Variants in ABCA12 observed in about 807,000 individuals in gnomAD.
ABCA12 encodes the protein glucosylceramide transporter ABCA12.
In ABCA12, 156 loss-of-function variants were observed where a neutral mutation model predicts 293.5. That is an observed-to-expected ratio of 0.53 (90% CI 0.47 to 0.61). The LOEUF (loss-of-function observed/expected upper bound fraction) is 0.61, where lower values mean the gene tolerates loss of function less well. ABCA12 is among the 20% of genes least tolerant of loss of function. The pLI is 0.00. For missense variants in ABCA12, 2,797 were observed against 3,090.2 expected (o/e 0.91, Z 2.25); for synonymous variants, 1,063 against 1,108.0 (o/e 0.96, Z 0.81).
At chr2:215,082,208 C>T (rs938787208) in intron 2 of ABCA12, among the ~76,000 whole-genome samples, 2 of 151,930 alleles carry the variant, frequency 1.3e-5, no homozygotes, top group Non-Finnish European at 2.9e-5. Flanking sequence ...CCGTGCCCAG[C>T]TAATTTTTGT....
chr2:215,126,999 G>A (rs1180116243), intron 1 of ABCA12, among the ~76,000 whole-genome samples: 1 of 151,904 alleles, frequency 6.6e-6, no homozygotes, highest in Non-Finnish European at 1.5e-5. Flanking sequence ...TGTCATTATT[G>A]TTGTTGAGTT....
chr2:214,987,699 G>T lies in ABCA12; in HGVS notation c.3924C>A (p.Ser1308Arg), dbSNP rs750428836. 6 of 1,613,944 alleles carry T rather than the reference G, an allele frequency of 3.7e-6. No homozygotes were observed. In the African/African-American group the frequency reaches 8.0e-5, roughly 22 times the overall value. The part of the protein sequence containing the change: ...FGCAEVKPEK[S>R]NGLMFTNIMM... ...TGATGTTAGTAAACATGAGGCCATT[G>T]CTCTTCTCAGGCTTCACCTCTGCAC... The change falls in exon 27 of 53, where the codon AGC (serine) becomes AGA (arginine). Residue 1308 changes from serine to arginine, a missense_variant. Around this residue, in one of 3 missense-constraint regions of ABCA12, gnomAD observed 2,130 missense variants for 2,427.0 expected, o/e 0.88. Coordinates refer to ENST00000272895, the MANE Select transcript of ABCA12 (RefSeq NM_173076.3).
At chr2:215,047,195 A>G (rs1322880391) in intron 6 of ABCA12, among the ~76,000 whole-genome samples, 1 of 152,208 alleles carries the variant, frequency 6.6e-6, no homozygotes, top group African/African-American at 2.4e-5. Flanking sequence ...TATGTAAGAA[A>G]CCTGCATGTC....
At chr2:215,122,383 T>C (rs1342774737) in intron 1 of ABCA12, among the ~76,000 whole-genome samples, 1 of 152,230 alleles carries the variant, frequency 6.6e-6, no homozygotes, top group Non-Finnish European at 1.5e-5. Context: ...GGACCCAGTT[T>C]ATTTCAATCT....
At chr2:214,959,167 CTTATA>C (rs1699041584) in intron 39 of ABCA12, 89 bp from the exon 40 acceptor site, 1 of 1,127,030 alleles carries the variant, frequency 8.9e-7, no homozygotes, top group African/African-American at 1.5e-5. Flanking sequence ...CACTTTCCTC[CTTATA>C]TTATTATCTA....
chr2:215,100,165 C>T (rs1479407510), intron 2 of ABCA12, among the ~76,000 whole-genome samples: 2 of 152,082 alleles, frequency 1.3e-5, no homozygotes, highest in Non-Finnish European at 2.9e-5. Flanking sequence ...CAGGCACATA[C>T]CACCACATGT....
chr2:215,042,623 A>C (rs1701121842), intron 7 of ABCA12, among the ~76,000 whole-genome samples: 1 of 152,166 alleles, frequency 6.6e-6, no homozygotes, highest in African/African-American at 2.4e-5. Flanking sequence ...AATTTGGTAC[A>C]TGTATACAAT....
At chr2:214,944,573 G>A (rs1325453030) in intron 49 of ABCA12, among the ~76,000 whole-genome samples, 3 of 152,026 alleles carry the variant, frequency 2.0e-5, no homozygotes, top group Admixed American at 6.6e-5. Context: ...GAAAAAGACT[G>A]AGCATTTAGA....
chr2:215,050,632 C>T (rs1701301575), intron 5 of ABCA12, among the ~76,000 whole-genome samples: 1 of 152,018 alleles, frequency 6.6e-6, no homozygotes, highest in South Asian at 2.1e-4. Context: ...ATTTCATCCT[C>T]CCCTTAAGTG....
At chr2:215,015,439 T>C in intron 15 of ABCA12, 51 bp downstream of exon 15, 1 of 1,491,606 alleles carries the variant, frequency 6.7e-7, no homozygotes, top group Non-Finnish European at 9.3e-7. Flanking sequence ...TATAATTAAA[T>C]AGTTTTATAT....
At chr2:215,137,188 T>G (rs182220445) in intron 1 of ABCA12, among the ~76,000 whole-genome samples, 7 of 152,248 alleles carry the variant, frequency 4.6e-5, no homozygotes, top group Admixed American at 1.3e-4. Context: ...TTCCTCCTCT[T>G]ACTACACACA....
chr2:215,033,897 T>G (rs574322236), intron 8 of ABCA12, among the ~76,000 whole-genome samples: 5 of 151,952 alleles, frequency 3.3e-5, no homozygotes, highest in African/African-American at 1.2e-4. Context: ...GCCGAGATCA[T>G]GCCACTGCAC....
At chr2:214,997,601 T>G (rs922727229) in intron 23 of ABCA12, 94 bp downstream of exon 23, 1 of 943,500 alleles carries the variant, frequency 1.1e-6, no homozygotes, top group Non-Finnish European at 1.7e-6. Context: ...AGGGATAAGT[T>G]AGGCTTTCTG....
intron 3 of ABCA12, among the ~76,000 whole-genome samples, chr2:215,060,268 T>C (rs1195423607): frequency 6.6e-6 from 1 of 152,088 alleles, no homozygotes; most frequent in African/African-American, 2.4e-5. Flanking sequence ...GCAAGGCATA[T>C]GCCTCATGCA....
intron 6 of ABCA12, among the ~76,000 whole-genome samples, chr2:215,049,347 A>T (rs1701270659): frequency 6.6e-6 from 1 of 152,182 alleles, no homozygotes; most frequent in South Asian, 2.1e-4. Flanking sequence ...AAAACTATCA[A>T]ACTTCATTTA....
At chr2:214,943,416 G>A (rs1293193127) in intron 49 of ABCA12, among the ~76,000 whole-genome samples, 1 of 151,894 alleles carries the variant, frequency 6.6e-6, no homozygotes, top group Non-Finnish European at 1.5e-5. Context: ...CAAAGTGCAG[G>A]GATTACAGGC....
chr2:215,052,378 C>T, intron 5 of ABCA12, 109 bp downstream of exon 5: 1 of 900,366 alleles, frequency 1.1e-6, no homozygotes, highest in Non-Finnish European at 1.8e-6. Flanking sequence ...GAGATATTAC[C>T]CTAAATAGGA....
At position 215,029,553 on chromosome 2, in the gene ABCA12, A is replaced by G. The variant is rs149827288; in HGVS notation, c.1061+2268T>C. 2.0e-4 allele frequency among the ~76,000 whole-genome samples: 30 copies of G among 152,294 alleles called. No individual in the cohort carries two copies. The East Asian group carries it at 4.4e-3, about 23-fold the overall frequency. On this transcript the variant is annotated intron_variant, in intron 9 of 52. Transcript: ENST00000272895. ...CCTTATCTACTAGATGGACTGGAACAAGAGAGTTTCATGGTGTATTGTCAA... is the reference window on the plus strand; with the variant it reads ...CCTTATCTACTAGATGGACTGGAACGAGAGAGTTTCATGGTGTATTGTCAA...
intron 33 of ABCA12, 92 bp from the exon 34 acceptor site, chr2:214,976,129 CTG>C (rs762577353): frequency 1.7e-4 from 250 of 1,512,480 alleles, no homozygotes; most frequent in Non-Finnish European, 2.2e-4. Context: ...GTATAATACA[CTG>C]TGGTGGGAAA....
Sources: allele counts gnomAD v4.1 joint callset (sites outside exome capture counted in the v4.1 genomes callset), GRCh38; gene constraint gnomAD v4.1.1; regional missense constraint gnomAD v4.1.1; transcripts MANE v1.5; gene names NCBI Gene and HGNC (gene_info 2026-07-23, HGNC 2026-07-21).